DIDO1: variants seen among roughly 807,000 people sequenced by gnomAD.
The protein encoded by DIDO1 is death inducer-obliterator 1, also known as death-inducer obliterator 1.
A neutral mutation model predicts 99.4 loss-of-function variants in DIDO1; 16 were observed. The observed-to-expected ratio is 0.16, with a 90% CI of 0.11 to 0.24. DIDO1 has a LOEUF of 0.24. Ranked by LOEUF, DIDO1 falls within the 10% of genes least tolerant of loss-of-function variation. DIDO1 has a pLI of 1.00. For missense variants in DIDO1, 2,996 were observed against 3,014.0 expected, an observed-to-expected ratio of 0.99 and a Z score of 0.14; for synonymous variants, 1,366 against 1,239.1, an observed-to-expected ratio of 1.10 and a Z score of -2.15.
chr20:62,929,587 G>T (rs2065304412), upstream of DIDO1, among the ~76,000 whole-genome samples: 1 of 151,378 alleles, frequency 6.6e-6, no homozygotes, highest in Non-Finnish European at 1.5e-5. Flanking sequence ...TGCCCGGCGC[G>T]CCGGGGGCTG....
chr20:62,894,522 G>A lies in DIDO1; in HGVS notation c.2463C>T (p.Val821=), dbSNP rs1365404367. 6 of 1,612,602 alleles carry A rather than the reference G, an allele frequency of 3.7e-6. No individual in the cohort carries two copies. Among genetic ancestry groups the A allele is most frequent in the Non-Finnish European group, 4.2e-6 (5 of 1,180,010 alleles). ...SEEQQESARA[V]PEKSTAPLLD... is the part of the protein sequence containing the mutation. Reference sequence around the variant, plus strand: ...GAAGCGGCGCTGTGCTCTTCTCAGGGACAGCACGTGCTGACTCTTGCTGTT... The same window carrying A: ...GAAGCGGCGCTGTGCTCTTCTCAGGAACAGCACGTGCTGACTCTTGCTGTT... The change falls in exon 11 of 16, where the codon GTC becomes GTT. Residue 821 remains valine, a synonymous_variant. Transcript: ENST00000395343. The surrounding 1 kb of genome is among the most constrained non-coding windows in gnomAD (Gnocchi z 4.4).
chr20:62,931,894 T>C (rs781044892), intron 1 of DIDO1, among the ~76,000 whole-genome samples: 7 of 152,216 alleles, frequency 4.6e-5, no homozygotes, highest in Non-Finnish European at 8.8e-5. Context: ...TGTCCAGATA[T>C]GAATAACTAT....
rs2064831175 is a variant in DIDO1 at position 62,907,376 on chromosome 20, A to G, written c.1162-17T>C. On this transcript the variant is annotated splice_polypyrimidine_tract_variant and intron_variant, in intron 4 of 15. Transcript: ENST00000395343. Reference sequence around the variant, plus strand: ...CTCTATCACCTGCAGAACAAAACAGATGACTTCAAACAATGTACTTGCCAA... The same window carrying G: ...CTCTATCACCTGCAGAACAAAACAGGTGACTTCAAACAATGTACTTGCCAA... 4.3e-6 allele frequency: 7 copies of G among 1,610,790 alleles called. No homozygotes were observed. Among genetic ancestry groups the G allele is most frequent in the African/African-American group, 1.3e-5 (1 of 74,960 alleles).
chr20:62,882,184 G>C lies in DIDO1; in HGVS notation c.3772C>G (p.Pro1258Ala). Residue 1258 changes from proline to alanine, a missense_variant, in exon 16 of 16, where the codon CCT (proline) becomes GCT (alanine). Physicochemically the swap from Pro to Ala is conservative, Grantham distance 27. Transcript: ENST00000395343. ...GGGGGCGGAGGCGGCGGCGACCCAG[G>C]AGGTGTGGTGCTGACAGCCGCGTCT... Reference protein sequence around the residue: ...SADAAVSTTPPGSPPPPPPLP... With the variant: ...SADAAVSTTPAGSPPPPPPLP... The C allele has an allele frequency of 6.2e-7, 1 of 1,613,520 alleles. No homozygotes were observed. The highest frequency in any genetic ancestry group is 1.1e-5 in the South Asian group (1 of 91,082).
Position 62,908,719 on chromosome 20 carries a change from C to T in DIDO1, c.1161+980G>A, listed in dbSNP as rs1274849966. ...ATGACAATTAAAAAAAGATGTTGGGCGTGGTGGTGTGTGCTTGTAGTCCCA... is the reference window on the plus strand; with the variant it reads ...ATGACAATTAAAAAAAGATGTTGGGTGTGGTGGTGTGTGCTTGTAGTCCCA... On this transcript the variant is annotated intron_variant, in intron 4 of 15. Transcript: ENST00000395343. Among the ~76,000 whole-genome samples, 5 of 152,000 alleles carry T rather than the reference C, an allele frequency of 3.3e-5. No individual in the cohort carries two copies. The East Asian group carries it at 7.7e-4, about 23-fold the overall frequency.
intron 1 of DIDO1, among the ~76,000 whole-genome samples, chr20:62,915,661 G>GA (rs2065024810): frequency 6.6e-6 from 1 of 151,690 alleles, no homozygotes; most frequent in Non-Finnish European, 1.5e-5. Flanking sequence ...GCTAATTTTT[G>GA]AAAAAAATTC....
At position 62,896,877 on chromosome 20, in the gene DIDO1, T is replaced by A. The variant is rs1470873926; in HGVS notation, c.1708A>T (p.Lys570Ter). The A allele has an allele frequency of 6.2e-7, 1 of 1,614,186 alleles. No individual in the cohort carries two copies. The highest frequency in any genetic ancestry group is 1.1e-5 in the South Asian group (1 of 91,086). The change falls in exon 7 of 16, where the codon AAG (lysine) becomes TAG (stop). Residue 570 changes from lysine (K) to a stop codon, truncating the protein, a stop_gained. Coordinates refer to ENST00000395343, the MANE Select transcript of DIDO1 (RefSeq NM_001193369.2). LOFTEE classifies it high-confidence loss of function. The surrounding 1 kb of genome is among the most constrained non-coding windows in gnomAD (Gnocchi z 4.4). ...QPAPRNLVPK[K>*]SSFANVAAAT... The stretch of plus-strand genomic sequence containing the variant: ...GCTGCCACATTAGCAAAAGAAGACT[T>A]CTTTGGCACGAGGTTTCTAGGTGCA...
At position 62,894,863 on chromosome 20, in the gene DIDO1, TG is replaced by T; in HGVS notation, c.2382del (p.Arg795GlyfsTer43). ...TCCAGATCGGGGATGGCCTCCTGCCTGGGGGCCGTCTTCTTGCTTTCATTGT... is the reference window on the plus strand; with the variant it reads ...TCCAGATCGGGGATGGCCTCCTGCCTGGGGCCGTCTTCTTGCTTTCATTGT... ...KLHNESKKTAPRQEAIPDLED... is the reference protein window; with the variant it reads ...KLHNESKKTAXRQEAIPDLED... On this transcript the variant is annotated frameshift_variant, in exon 10 of 16. Transcript: ENST00000395343. LOFTEE classifies it high-confidence loss of function. This position sits in a 1 kb window ranked among gnomAD's most constrained non-coding sequence, Gnocchi z 4.4. The T allele has an allele frequency of 6.2e-7, 1 of 1,614,162 alleles. No homozygotes were observed. The highest frequency in any genetic ancestry group is 8.5e-7 in the Non-Finnish European group (1 of 1,180,024).
At chr20:62,905,865 C>T in intron 6 of DIDO1, 22 bp downstream of exon 6, 1 of 1,614,090 alleles carries the variant, frequency 6.2e-7, no homozygotes, top group Non-Finnish European at 8.5e-7. Context: ...GTCCAGGAGG[C>T]CAACCCCTAG....
intron 13 of DIDO1, 142 bp downstream of exon 13, chr20:62,892,667 C>T: frequency 8.4e-7 from 1 of 1,195,866 alleles, no homozygotes. Context: ...GTTTCTGCAT[C>T]CAGACAGACG....
At chr20:62,888,661 C>T (rs998021665) in intron 15 of DIDO1, 14 of 985,406 alleles carry the variant, frequency 1.4e-5, no homozygotes, top group South Asian at 4.7e-5. Flanking sequence ...CTTACACACA[C>T]ACACGCGCGC....
In DIDO1 at chr20:62,882,227, C is replaced by T; in HGVS notation, c.3729G>A (p.Lys1243=). ...TVPQSEKKPS[K]YPLCSADAAV... is the part of the protein sequence containing the mutation. ...CCGCGTCTGCAGAGCAGAGTGGATACTTGGAGGGCTTCTTTTCCGACTGCG... is the reference window on the plus strand; with the variant it reads ...CCGCGTCTGCAGAGCAGAGTGGATATTTGGAGGGCTTCTTTTCCGACTGCG... Residue 1243 remains lysine, a synonymous_variant, in exon 16 of 16, where the codon AAG becomes AAA. Transcript: ENST00000395343. The T allele has an allele frequency of 6.2e-7, 1 of 1,613,718 alleles. No homozygotes were observed. The highest frequency in any genetic ancestry group is 8.5e-7 in the Non-Finnish European group (1 of 1,180,036).
Position 62,893,717 on chromosome 20 carries a change from G to A in DIDO1, c.3050C>T (p.Ser1017Phe). ...MVPKSILAKP[S>F]SSPDPRYLSV... is the part of the protein sequence containing the mutation. ...CAGGTATCTTGGGTCAGGAGATGAG[G>A]ATGGCTTAGCTAGTATGGACTTGGG... The change falls in exon 12 of 16, where the codon TCC becomes TTC. Residue 1017 changes from serine (S) to phenylalanine (F), a missense_variant. Physicochemically the swap from Ser to Phe is radical, Grantham distance 155. This residue lies in a region of DIDO1 where 898 missense variants were observed against 972.7 expected (regional missense o/e 0.92). Transcript: ENST00000395343. 1 of 1,612,922 alleles carries A rather than the reference G, an allele frequency of 6.2e-7. No homozygotes were observed. The highest frequency in any genetic ancestry group is 8.5e-7 in the Non-Finnish European group (1 of 1,178,968).
Position 62,896,849 on chromosome 20 carries a change from G to A in DIDO1, c.1736C>T (p.Ala579Val), listed in dbSNP as rs1387781636. 6.2e-7 allele frequency: 1 copy of A among 1,613,988 alleles called. No homozygotes were observed. The highest frequency in any genetic ancestry group is 1.3e-5 in the African/African-American group (1 of 75,074). ...KKSSFANVAA[A>V]TPAIKKPPSG... ...GGGTGGCTTTTTAATGGCTGGTGTG[G>A]CTGCTGCCACATTAGCAAAAGAAGA... Residue 579 changes from alanine (A) to valine (V), a missense_variant, in exon 7 of 16, where the codon GCC (alanine) becomes GTC (valine). By Grantham distance (64) the Ala-to-Val change is moderately conservative (BLOSUM62 0). Transcript: ENST00000395343. The surrounding 1 kb of genome is among the most constrained non-coding windows in gnomAD (Gnocchi z 4.4).
intron 1 of DIDO1, among the ~76,000 whole-genome samples, chr20:62,917,963 A>T (rs955786700): frequency 5.3e-5 from 8 of 152,358 alleles, no homozygotes; most frequent in African/African-American, 1.9e-4. Context: ...GAACTGTGGC[A>T]ACATGCCATT....
chr20:62,900,143 T>G (rs1056933511), intron 6 of DIDO1, among the ~76,000 whole-genome samples: 3 of 152,202 alleles, frequency 2.0e-5, no homozygotes, highest in Non-Finnish European at 4.4e-5. Context: ...GGTGGTGACC[T>G]GGTCACACCG....
intron 6 of DIDO1, chr20:62,904,896 C>T (rs1409710028): frequency 4.9e-5 from 40 of 811,606 alleles, no homozygotes; most frequent in Non-Finnish European, 5.8e-5. Flanking sequence ...CAAAGTCTGA[C>T]GACGGGAAAG....
At chr20:62,913,922 T>C (rs552594262) in intron 2 of DIDO1, among the ~76,000 whole-genome samples, 8 of 152,390 alleles carry the variant, frequency 5.2e-5, no homozygotes, top group Non-Finnish European at 5.9e-5. Flanking sequence ...GATTACATCA[T>C]AGAAACAGTT....
Position 62,893,806 on chromosome 20 carries a change from G to T in DIDO1, c.2961C>A (p.Asp987Glu), listed in dbSNP as rs1458104842. Residue 987 changes from aspartate to glutamate, a missense_variant, in exon 12 of 16, where the codon GAC becomes GAA. Coordinates refer to ENST00000395343, the MANE Select transcript of DIDO1 (RefSeq NM_001193369.2). The stretch of plus-strand genomic sequence containing the variant: ...GTCTGGCTTCCACCATGTGGGTGCT[G>T]TCTGGGCGGGATGCTGCGGAGGCCA... ...TAVASAASRP[D>E]STHMVEARQD... is the part of the protein sequence containing the mutation. 6.2e-7 allele frequency: 1 copy of T among 1,614,162 alleles called. No homozygotes were observed. Among genetic ancestry groups the T allele is most frequent in the Non-Finnish European group, 8.5e-7 (1 of 1,180,046 alleles).
Sources: allele counts gnomAD v4.1 joint callset (sites outside exome capture counted in the v4.1 genomes callset), GRCh38; gene constraint gnomAD v4.1.1; regional missense constraint gnomAD v4.1.1; non-coding constraint Gnocchi (gnomAD v3.1); transcripts MANE v1.5; gene names NCBI Gene and HGNC (gene_info 2026-07-23, HGNC 2026-07-21).